Variants in DSCAML1 observed in about 807,000 individuals in gnomAD.
DSCAML1 encodes the protein cell adhesion molecule DSCAML1.
In DSCAML1, 38 loss-of-function variants were observed where a neutral mutation model predicts 200.5. The observed-to-expected ratio is 0.19, with a 90% CI of 0.15 to 0.25. The LOEUF is 0.25. DSCAML1 is among the 10% of genes least tolerant of loss of function. The probability of loss-of-function intolerance (pLI) is 1.00; values close to 1 mark genes in which losing one functional copy is unlikely to be tolerated. For synonymous variants in DSCAML1, 1,215 were observed against 1,165.0 expected (o/e 1.04, Z -0.87); for missense variants, 2,223 against 2,858.8 (o/e 0.78, Z 5.07).
intron 3 of DSCAML1, among the ~76,000 whole-genome samples, chr11:117,589,171 AATAG>A (rs1229758500): frequency 4.7e-5 from 7 of 149,706 alleles, no homozygotes; most frequent in African/African-American, 1.8e-4. Flanking sequence ...GGGGCCTGTA[AATAG>A]AGAGAAGCAG....
At chr11:117,738,263 C>T (rs1490106345) in intron 3 of DSCAML1, among the ~76,000 whole-genome samples, 1 of 152,160 alleles carries the variant, frequency 6.6e-6, no homozygotes, top group African/African-American at 2.4e-5. Context: ...TTCCAACCTT[C>T]TTAGTACTTT....
chr11:117,515,636 T>TTTTTTTTTTTTTTTTTTA (rs869178779), intron 8 of DSCAML1, among the ~76,000 whole-genome samples: 1 of 107,212 alleles, frequency 9.3e-6, no homozygotes, highest in African/African-American at 4.2e-5. Flanking sequence ...TTTTTTTTTT[T>TTTTTTTTTTTTTTTTTTA]GAGACAGAGT....
At chr11:117,732,115 A>G (rs189749317) in intron 3 of DSCAML1, among the ~76,000 whole-genome samples, 5 of 152,348 alleles carry the variant, frequency 3.3e-5, no homozygotes, top group African/African-American at 1.2e-4. Flanking sequence ...ATTTGCATGT[A>G]AACAGCAGAC....
chr11:117,529,746 G>A (rs1021362772), intron 4 of DSCAML1, among the ~76,000 whole-genome samples: 6 of 151,704 alleles, frequency 4.0e-5, no homozygotes, highest in African/African-American at 1.2e-4. Flanking sequence ...ACATCTCAGC[G>A]GACACTCGTG....
intron 3 of DSCAML1, among the ~76,000 whole-genome samples, chr11:117,608,879 C>A (rs1052415040): frequency 1.3e-4 from 2 of 14,864 alleles, no homozygotes. Flanking sequence ...ATTATATCTG[C>A]CAAATTGGCC....
chr11:117,460,782 T>C (rs927394408), intron 18 of DSCAML1, among the ~76,000 whole-genome samples: 52 of 152,164 alleles, frequency 3.4e-4, no homozygotes, highest in Non-Finnish European at 7.4e-5. Context: ...CGCACCTCTC[T>C]GCCCTTCTCT....
intron 3 of DSCAML1, among the ~76,000 whole-genome samples, chr11:117,759,426 A>G (rs2054758936): frequency 6.6e-6 from 1 of 152,048 alleles, no homozygotes; most frequent in Non-Finnish European, 1.5e-5. Flanking sequence ...TCTGCCCAGG[A>G]CACCCTCTGT....
chr11:117,582,784 G>C (rs2051066212), intron 3 of DSCAML1, among the ~76,000 whole-genome samples: 1 of 152,130 alleles, frequency 6.6e-6, no homozygotes, highest in African/African-American at 2.4e-5. Flanking sequence ...GTCTGCGTAG[G>C]GATATTGACC....
At chr11:117,569,896 C>G (rs629397) in intron 3 of DSCAML1, among the ~76,000 whole-genome samples, 134,335 of 152,218 alleles carry the variant, frequency 0.88, 59,585 homozygotes, top group Non-Finnish European at 0.93. Context: ...GGAGAAAGAA[C>G]GAACTGTGAA....
intron 3 of DSCAML1, among the ~76,000 whole-genome samples, chr11:117,632,775 A>G (rs759889460): frequency 3.6e-4 from 55 of 152,306 alleles, no homozygotes; most frequent in Non-Finnish European, 6.0e-4. Flanking sequence ...TCTAACAGTA[A>G]TACTAATTAA....
At chr11:117,753,776 A>G (rs1482333365) in intron 3 of DSCAML1, among the ~76,000 whole-genome samples, 3 of 152,234 alleles carry the variant, frequency 2.0e-5, no homozygotes, top group Non-Finnish European at 4.4e-5. Context: ...GCTGTCACTC[A>G]CGCTGCATGT....
chr11:117,528,587 T>C (rs1327784820), intron 4 of DSCAML1, among the ~76,000 whole-genome samples: 1 of 152,152 alleles, frequency 6.6e-6, no homozygotes, highest in African/African-American at 2.4e-5. Flanking sequence ...CCTGCCCCCA[T>C]AGCCAGCTGA....
rs1298889939 is a variant in DSCAML1, at chr11:117,769,499, TA to T, written c.511+7291del. Reference sequence around the variant, plus strand: ...ATATATAATATATATTTTATATATATAATATATATTTTATATATATTATATA... The same window carrying T: ...ATATATAATATATATTTTATATATATATATATATTTTATATATATTATATA... On this transcript the variant is annotated intron_variant, in intron 3 of 32. Transcript: ENST00000651296. Among the ~76,000 whole-genome samples the T allele has an allele frequency of 2.9e-3, 240 of 82,184 alleles. 10 individuals carry two copies. The highest frequency in any genetic ancestry group is 0.017 in the African/African-American group (234 of 13,776). The allele number at this position is 82,184 out of a possible 152,430, so 53.9% of individuals were successfully genotyped here. A position where few individuals can be genotyped will look rare whatever the true frequency, so the allele number is the denominator to read the frequency against.
chr11:117,516,980 C>T lies in DSCAML1; in HGVS notation c.1511-241G>A, dbSNP rs146050628. Among the ~76,000 whole-genome samples the T allele has an allele frequency of 3.0e-3, 456 of 152,268 alleles. 5 individuals carry two copies. The highest frequency in any genetic ancestry group is 0.01 in the African/African-American group (435 of 41,552). On this transcript the variant is annotated intron_variant, in intron 7 of 32. Coordinates refer to ENST00000651296, the MANE Select transcript of DSCAML1 (RefSeq NM_020693.4). This position sits in a 1 kb window ranked among gnomAD's most constrained non-coding sequence, Gnocchi z 5.7. Reference sequence around the variant, plus strand: ...GTTACTAGCTTCAAAGAGTTGCAAACGGACGCAGTATATACATGCCTTGGC... The same window carrying T: ...GTTACTAGCTTCAAAGAGTTGCAAATGGACGCAGTATATACATGCCTTGGC...
intron 11 of DSCAML1, among the ~76,000 whole-genome samples, chr11:117,485,123 A>G (rs1043329560): frequency 1.3e-5 from 2 of 152,124 alleles, no homozygotes; most frequent in Admixed American, 6.5e-5. Flanking sequence ...AGCTTGGCCA[A>G]TGAAGCAGGG....
intron 3 of DSCAML1, among the ~76,000 whole-genome samples, chr11:117,671,850 G>A (rs1266764435): frequency 6.6e-6 from 1 of 152,050 alleles, no homozygotes; most frequent in Non-Finnish European, 1.5e-5. Flanking sequence ...GGTGGCTCAC[G>A]CCTGTAATCC....
rs1555032678 is a variant in DSCAML1 at position 117,780,231 on chromosome 11, G to GAAAGGAAA, written c.364+261_364+262insTTTCCTTT. Reference sequence around the variant, plus strand: ...AAAGAGAGAGAGAGAAAGAAAGAAAGGAAAGAAAGAAAGAAAGAAAGAAAG... The same window carrying GAAAGGAAA: ...AAAGAGAGAGAGAGAAAGAAAGAAAGAAAGGAAAGAAAGAAAGAAAGAAAGAAAGAAAG... On this transcript the variant is annotated intron_variant, in intron 2 of 32. Coordinates refer to ENST00000651296, the MANE Select transcript of DSCAML1 (RefSeq NM_020693.4). The surrounding 1 kb of genome is among the most constrained non-coding windows in gnomAD (Gnocchi z 4.8). Among the ~76,000 whole-genome samples the GAAAGGAAA allele has an allele frequency of 3.5e-4, 21 of 60,694 alleles. No homozygotes were observed. Among genetic ancestry groups the GAAAGGAAA allele is most frequent in the Non-Finnish European group, 4.0e-4 (12 of 29,878 alleles). The allele number at this position is 60,694 out of a possible 152,430, so 39.8% of individuals were successfully genotyped here.
At chr11:117,557,656 C>T (rs1172486436) in intron 3 of DSCAML1, among the ~76,000 whole-genome samples, 3 of 152,208 alleles carry the variant, frequency 2.0e-5, no homozygotes, top group Non-Finnish European at 4.4e-5. Context: ...AGCAGCTGTT[C>T]CAGCTGCAGA....
intron 3 of DSCAML1, among the ~76,000 whole-genome samples, chr11:117,708,920 C>T (rs2053797986): frequency 6.6e-6 from 1 of 152,208 alleles, no homozygotes; most frequent in Non-Finnish European, 1.5e-5. Flanking sequence ...AAGGCTGGGT[C>T]CTGCCCCAGA....
Sources: allele counts gnomAD v4.1 joint callset (sites outside exome capture counted in the v4.1 genomes callset), GRCh38; gene constraint gnomAD v4.1.1; non-coding constraint Gnocchi (gnomAD v3.1); transcripts MANE v1.5; gene names NCBI Gene and HGNC (gene_info 2026-07-23, HGNC 2026-07-21).